The following TRMT1L variants were observed in gnomAD, a reference collection of about 807,000 sequenced individuals.
TRMT1L encodes tRNA (guanine(27)-N(2))-dimethyltransferase.
TRMT1L carries 28 observed loss-of-function variants against 81.6 expected under a neutral mutation model. The ratio of observed to expected loss-of-function variants is 0.34; its 90% CI spans 0.25 to 0.47. The LOEUF is 0.47. Ranked by LOEUF, TRMT1L falls within the 20% of genes least tolerant of loss-of-function variation. The pLI, the probability that TRMT1L is intolerant of heterozygous loss-of-function variation, is 1.00. For synonymous variants in TRMT1L, 301 were observed against 303.2 expected (o/e 0.99, Z 0.07); for missense variants, 739 against 877.1 (o/e 0.84, Z 1.99).
Position 185,125,126 on chromosome 1 carries a change from T to A in TRMT1L, c.1593-16A>T. The stretch of plus-strand genomic sequence containing the variant: ...GGAACTTGACCTGAAAAGAAAAGAA[T>A]ATACAGAGAACTGGGTTTGAAAAAT... On this transcript the variant is annotated splice_polypyrimidine_tract_variant and intron_variant, in intron 11 of 14. Coordinates refer to ENST00000367506, the MANE Select transcript of TRMT1L (RefSeq NM_030934.5). 1 of 1,584,074 alleles carries A rather than the reference T, an allele frequency of 6.3e-7. No individual in the cohort carries two copies. The highest frequency in any genetic ancestry group is 8.6e-7 in the Non-Finnish European group (1 of 1,166,620).
intron 8 of TRMT1L, 141 bp from the exon 9 acceptor site, chr1:185,139,720 A>G: frequency 1.3e-6 from 1 of 770,720 alleles, no homozygotes. Context: ...CTGTTTTGAA[A>G]TTAAGTAATA....
chr1:185,144,177 A>G (rs932361858), intron 5 of TRMT1L, 148 bp from the exon 6 acceptor site: 7 of 928,260 alleles, frequency 7.5e-6, no homozygotes, highest in Non-Finnish European at 1.1e-5. Flanking sequence ...TGTTAATGCA[A>G]ACGGTTTGGC....
At chr1:185,143,829 T>C (rs1446659075) in intron 6 of TRMT1L, 77 bp downstream of exon 6, 1 of 1,264,816 alleles carries the variant, frequency 7.9e-7, no homozygotes, top group African/African-American at 1.5e-5. Context: ...TTTAATATAT[T>C]AGAACATAAA....
chr1:185,139,570 G>A lies in TRMT1L; in HGVS notation c.1119C>T (p.Asp373=). 1.2e-6 allele frequency: 2 copies of A among 1,604,942 alleles called. No homozygotes were observed. The highest frequency in any genetic ancestry group is 1.7e-6 in the Non-Finnish European group (2 of 1,174,868). The change falls in exon 9 of 15, where the codon GAC becomes GAT. Residue 373 remains aspartate (D), a synonymous_variant. Transcript: ENST00000367506. ...GATAATTCACTGATGTTCCAAAAGG[G>A]TCTAGATGTCTAAAATCAGAAAGAA... ...HLRSFDFIHL[D]PFGTSVNYLD...
chr1:185,135,667 T>C (rs1236054350), intron 10 of TRMT1L, among the ~76,000 whole-genome samples: 1 of 151,902 alleles, frequency 6.6e-6, no homozygotes, highest in Non-Finnish European at 1.5e-5. Context: ...CTAGTTAAAC[T>C]AGTTCTTAAG....
intron 7 of TRMT1L, 93 bp downstream of exon 7, chr1:185,143,264 T>C: frequency 8.4e-7 from 1 of 1,192,002 alleles, no homozygotes; most frequent in Non-Finnish European, 1.2e-6. Context: ...GATCTTTAAT[T>C]TTTTTACATC....
chr1:185,146,166 A>G (rs1297770203), intron 4 of TRMT1L, among the ~76,000 whole-genome samples: 15 of 152,028 alleles, frequency 9.9e-5, no homozygotes. Context: ...TTGTTTTTTA[A>G]TATAACTCAT....
At chr1:185,124,645 T>C (rs374338749) in intron 12 of TRMT1L, among the ~76,000 whole-genome samples, 66 of 151,894 alleles carry the variant, frequency 4.3e-4, no homozygotes, top group African/African-American at 1.4e-3. Flanking sequence ...CAGTGAGCCA[T>C]GTTTGTGCCA....
Position 185,137,790 on chromosome 1 carries a change from T to C in TRMT1L, c.1329A>G (p.Ala443=). The C allele has an allele frequency of 6.2e-7, 1 of 1,612,030 alleles. No individual in the cohort carries two copies. The highest frequency in any genetic ancestry group is 8.5e-7 in the Non-Finnish European group (1 of 1,179,482). The part of the protein sequence containing the change: ...RIVVAAVARA[A]ARCNKGIEVL... ...CTTCTATGCCTTTGTTGCATCGGGC[T>C]GCAGCTCTACAATAAATTTTTTCAA... The change falls in exon 10 of 15, where the codon GCA becomes GCG. Residue 443 remains alanine (A), a synonymous_variant. Coordinates refer to ENST00000367506, the MANE Select transcript of TRMT1L (RefSeq NM_030934.5).
chr1:185,119,120 C>T lies in TRMT1L; in HGVS notation c.*899G>A, dbSNP rs1652432269. On this transcript the variant is annotated 3_prime_UTR_variant, in exon 15 of 15. Transcript: ENST00000367506. Reference sequence around the variant, plus strand: ...TACAGAAAATTTATACAAATACACACAAAACCAAAAATACCAAACCAAGCA... The same window carrying T: ...TACAGAAAATTTATACAAATACACATAAAACCAAAAATACCAAACCAAGCA... 6.6e-6 allele frequency: 1 copy of T among 151,644 alleles called. No individual in the cohort carries two copies. Among genetic ancestry groups the T allele is most frequent in the Non-Finnish European group, 1.5e-5 (1 of 67,908 alleles). The allele number at this position is 151,644 out of a possible 1,614,324, so 9.4% of individuals were successfully genotyped here.
chr1:185,124,143 T>C (rs1169028442), intron 12 of TRMT1L, among the ~76,000 whole-genome samples: 2 of 152,180 alleles, frequency 1.3e-5, no homozygotes, highest in African/African-American at 2.4e-5. Context: ...CTCATATCAA[T>C]AGTCAGATAC....
chr1:185,144,191 T>C (rs1653125359), intron 5 of TRMT1L, among the ~76,000 whole-genome samples, 162 bp from the exon 6 acceptor site: 1 of 152,030 alleles, frequency 6.6e-6, no homozygotes, highest in African/African-American at 2.4e-5. Context: ...GTTTGGCAGA[T>C]GTAAACAAAC....
At chr1:185,147,118 T>A (rs1233685844) in intron 4 of TRMT1L, 64 bp downstream of exon 4, 2 of 1,193,886 alleles carry the variant, frequency 1.7e-6, no homozygotes, top group Non-Finnish European at 2.4e-6. Context: ...TCACAGTAAG[T>A]AAAAATTATG....
At chr1:185,155,359 G>A (rs1008730564) in intron 1 of TRMT1L, among the ~76,000 whole-genome samples, 1 of 152,190 alleles carries the variant, frequency 6.6e-6, no homozygotes, top group Non-Finnish European at 1.5e-5. Context: ...CCTACCCACT[G>A]TAGTTGAAGA....
rs375731369 is a variant in TRMT1L at position 185,118,721 on chromosome 1, G to A, written c.*1298C>T. The A allele has an allele frequency of 3.3e-5, 5 of 151,908 alleles. No homozygotes were observed. Among genetic ancestry groups the A allele is most frequent in the Admixed American group, 6.6e-5 (1 of 15,246 alleles). The allele number at this position is 151,908 out of a possible 1,614,324, so 9.4% of individuals were successfully genotyped here. On this transcript the variant is annotated 3_prime_UTR_variant, in exon 15 of 15. Coordinates refer to ENST00000367506, the MANE Select transcript of TRMT1L (RefSeq NM_030934.5). ...GGAAAATAAACTCTCTTGGGAATACGCTGTACTAGCACGAAGAGATTTTCC... is the reference window on the plus strand; with the variant it reads ...GGAAAATAAACTCTCTTGGGAATACACTGTACTAGCACGAAGAGATTTTCC...
intron 9 of TRMT1L, among the ~76,000 whole-genome samples, chr1:185,138,944 T>C (rs1652967596): frequency 6.6e-6 from 1 of 152,132 alleles, no homozygotes; most frequent in African/African-American, 2.4e-5. Flanking sequence ...TGTACCAACA[T>C]GCCCAGCTAA....
At chr1:185,128,275 A>AAAG (rs1225782364) in intron 11 of TRMT1L, among the ~76,000 whole-genome samples, 4 of 152,248 alleles carry the variant, frequency 2.6e-5, no homozygotes, top group African/African-American at 7.2e-5. Context: ...TTTCTCTCTT[A>AAAG]AAACTAATTC....
intron 1 of TRMT1L, among the ~76,000 whole-genome samples, chr1:185,155,388 G>C (rs531441348): frequency 6.6e-6 from 1 of 152,266 alleles, no homozygotes; most frequent in South Asian, 2.1e-4. Flanking sequence ...GCCTTATTTT[G>C]TACCTACAAG....
intron 10 of TRMT1L, 157 bp downstream of exon 10, chr1:185,137,449 T>A: frequency 1.3e-6 from 1 of 768,742 alleles, no homozygotes; most frequent in Non-Finnish European, 2.3e-6. Context: ...CACACGAATG[T>A]CTTGTCTGTT....
Sources: allele counts gnomAD v4.1 joint callset (sites outside exome capture counted in the v4.1 genomes callset), GRCh38; gene constraint gnomAD v4.1.1; transcripts MANE v1.5; gene names NCBI Gene and HGNC (gene_info 2026-07-23, HGNC 2026-07-21).